Variants in EPB41L3 observed in about 807,000 individuals in gnomAD.
EPB41L3 encodes band 4.1-like protein 3.
A neutral mutation model predicts 127.1 loss-of-function variants in EPB41L3; 57 were observed. That is an observed-to-expected ratio of 0.45 (90% CI 0.36 to 0.56). The LOEUF is 0.56. Among genes scored for constraint, EPB41L3 ranks in the 20% least tolerant of loss-of-function variants. The probability of loss-of-function intolerance (pLI) is 0.00; values close to 1 mark genes in which losing one functional copy is unlikely to be tolerated. For synonymous variants in EPB41L3, 572 were observed against 549.5 expected (o/e 1.04, Z -0.57); for missense variants, 1,273 against 1,372.2 (o/e 0.93, Z 1.14).
At chr18:5,394,402 T>C (rs1219313069) in intron 22 of EPB41L3, 1 of 320,358 alleles carries the variant, frequency 3.1e-6, no homozygotes, top group African/African-American at 2.1e-5. Context: ...GGCCATGGAA[T>C]AAAAGGGAAC....
chr18:5,531,552 G>C (rs1302566643), intron 1 of EPB41L3, among the ~76,000 whole-genome samples: 3 of 151,882 alleles, frequency 2.0e-5, no homozygotes, highest in Non-Finnish European at 4.4e-5. Context: ...GTAAAACCCT[G>C]TCTCTACTAA....
chr18:5,421,949 G>A (rs569471146), intron 11 of EPB41L3, among the ~76,000 whole-genome samples: 2 of 151,892 alleles, frequency 1.3e-5, no homozygotes, highest in South Asian at 2.1e-4. Context: ...GCCAAAAACC[G>A]ACTGCTTGTA....
intron 3 of EPB41L3, among the ~76,000 whole-genome samples, chr18:5,594,125 T>C (rs557603273): frequency 6.6e-6 from 1 of 152,326 alleles, no homozygotes; most frequent in Admixed American, 6.5e-5. Flanking sequence ...GGGGAAGTGA[T>C]AAGTGTCCAT....
At chr18:5,488,579 GATGATAATA>G (rs1243521386) in intron 2 of EPB41L3, among the ~76,000 whole-genome samples, 3 of 148,762 alleles carry the variant, frequency 2.0e-5, no homozygotes, top group African/African-American at 7.5e-5. Flanking sequence ...TGATGATGAT[GATGATAATA>G]ATAATAATAA....
chr18:5,441,497 G>A (rs945187768), intron 5 of EPB41L3, among the ~76,000 whole-genome samples: 2 of 143,254 alleles, frequency 1.4e-5, no homozygotes, highest in Admixed American at 7.0e-5. Flanking sequence ...ACGGAGTTTC[G>A]CTCTGTCGCC....
chr18:5,420,145 T>A, intron 11 of EPB41L3: 1 of 572,588 alleles, frequency 1.7e-6, no homozygotes, highest in South Asian at 2.1e-5. Flanking sequence ...GAAATGCTCA[T>A]GTCTTGGAAT....
Position 5,579,336 on chromosome 18 carries a change from C to T in EPB41L3, c.-306+33004G>A, listed in dbSNP as rs192401562. ...TGCCAAATGGTGAGATGAAGGTTATCGTCGAAATCCTAGCTGTTGTTTTGG... is the reference window on the plus strand; with the variant it reads ...TGCCAAATGGTGAGATGAAGGTTATTGTCGAAATCCTAGCTGTTGTTTTGG... On this transcript the variant is annotated intron_variant, in intron 3 of 21. Transcript: ENST00000545076. 4.8e-3 allele frequency among the ~76,000 whole-genome samples: 727 copies of T among 152,220 alleles called. 12 individuals are homozygous for T. The highest frequency in any genetic ancestry group is 0.022 in the Admixed American group (342 of 15,298).
At chr18:5,585,626 C>A (rs560456827) in intron 3 of EPB41L3, among the ~76,000 whole-genome samples, 11 of 152,282 alleles carry the variant, frequency 7.2e-5, no homozygotes, top group African/African-American at 2.2e-4. Context: ...TCAAAGAGAA[C>A]CTAAAAATTC....
chr18:5,449,305 G>A (rs1289170202), intron 3 of EPB41L3, among the ~76,000 whole-genome samples: 1 of 152,180 alleles, frequency 6.6e-6, no homozygotes, highest in Non-Finnish European at 1.5e-5. Flanking sequence ...ATGTTATAAT[G>A]GCTAAAATCC....
intron 3 of EPB41L3, among the ~76,000 whole-genome samples, chr18:5,553,690 C>T (rs1425981667): frequency 6.6e-6 from 1 of 152,224 alleles, no homozygotes; most frequent in Non-Finnish European, 1.5e-5. Context: ...AGCCACTTCT[C>T]ACTGCACCTG....
chr18:5,523,818 G>C (rs1206570271), intron 1 of EPB41L3, among the ~76,000 whole-genome samples: 3 of 151,818 alleles, frequency 2.0e-5, no homozygotes, highest in Non-Finnish European at 4.4e-5. Context: ...GTATACACTT[G>C]TTTTTGAGAA....
chr18:5,546,755 G>GCATAGCTC (rs2093887720), upstream of EPB41L3, among the ~76,000 whole-genome samples: 1 of 152,102 alleles, frequency 6.6e-6, no homozygotes, highest in African/African-American at 2.4e-5. Context: ...GTGCATAGCT[G>GCATAGCTC]CATAGCTCCC....
chr18:5,448,626 G>T (rs1264329686), intron 3 of EPB41L3, among the ~76,000 whole-genome samples: 3 of 152,054 alleles, frequency 2.0e-5, no homozygotes, highest in East Asian at 3.8e-4. Flanking sequence ...ATGGATAGAG[G>T]TATTCTAAAC....
intron 20 of EPB41L3, 81 bp downstream of exon 20, chr18:5,395,528 C>T: frequency 7.4e-7 from 1 of 1,358,958 alleles, no homozygotes; most frequent in Non-Finnish European, 1.0e-6. Flanking sequence ...TTGTGCAGCC[C>T]AACCTGTGAG....
intron 3 of EPB41L3, chr18:5,466,214 A>T (rs188616036): frequency 6.6e-6 from 1 of 152,338 alleles, no homozygotes; most frequent in East Asian, 1.9e-4. Flanking sequence ...ATTTCACTGC[A>T]TTTTAATATC....
chr18:5,512,808 T>C (rs2148695027), intron 1 of EPB41L3, among the ~76,000 whole-genome samples: 1 of 152,202 alleles, frequency 6.6e-6, no homozygotes, highest in Non-Finnish European at 1.5e-5. Flanking sequence ...AAAATCATCA[T>C]TATCATCGTC....
At chr18:5,432,453 C>T (rs2079127673) in intron 8 of EPB41L3, among the ~76,000 whole-genome samples, 1 of 152,178 alleles carries the variant, frequency 6.6e-6, no homozygotes, top group Non-Finnish European at 1.5e-5. Context: ...CTGTTGGACC[C>T]AGTCAGAAGA....
At chr18:5,473,086 G>C (rs1219147561) in intron 3 of EPB41L3, among the ~76,000 whole-genome samples, 1 of 152,034 alleles carries the variant, frequency 6.6e-6, no homozygotes. Context: ...TAATCTAGGG[G>C]CCAGATTTTT....
chr18:5,586,888 TC>T (rs1301507626), intron 3 of EPB41L3, among the ~76,000 whole-genome samples: 1 of 152,114 alleles, frequency 6.6e-6, no homozygotes, highest in Non-Finnish European at 1.5e-5. Flanking sequence ...GCCCTAAGGG[TC>T]CCAGGTAATT....
Sources: allele counts gnomAD v4.1 joint callset (sites outside exome capture counted in the v4.1 genomes callset), GRCh38; gene constraint gnomAD v4.1.1; transcripts MANE v1.5; gene names NCBI Gene and HGNC (gene_info 2026-07-23, HGNC 2026-07-21).